The following MYEF2 variants were observed in gnomAD, a reference collection of about 807,000 sequenced individuals.
The protein encoded by MYEF2 is myelin gene expression factor 2.
A neutral mutation model predicts 75.2 loss-of-function variants in MYEF2; 37 were observed. The ratio of observed to expected loss-of-function variants is 0.49; its 90% CI spans 0.38 to 0.65. The LOEUF is 0.65. Among genes scored for constraint, MYEF2 ranks in the 30% least tolerant of loss-of-function variants. The probability of loss-of-function intolerance (pLI) is 0.00; values close to 1 mark genes in which losing one functional copy is unlikely to be tolerated. For missense variants in MYEF2, 634 were observed against 771.4 expected (o/e 0.82, Z 2.11); for synonymous variants, 195 against 241.6 (o/e 0.81, Z 1.79).
chr15:48,169,657 G>A (rs1368987713), intron 1 of MYEF2, among the ~76,000 whole-genome samples: 2 of 150,672 alleles, frequency 1.3e-5, no homozygotes, highest in Non-Finnish European at 2.9e-5. Context: ...GAGTGCAGTG[G>A]TGCAATCTCG....
At chr15:48,147,056 T>C (rs770025679) in intron 16 of MYEF2, among the ~76,000 whole-genome samples, 25 of 151,956 alleles carry the variant, frequency 1.6e-4, no homozygotes, top group Non-Finnish European at 2.5e-4. Flanking sequence ...TCTTAAAATA[T>C]AATTATAATC....
intron 1 of MYEF2, among the ~76,000 whole-genome samples, chr15:48,176,211 T>C (rs1053600761): frequency 6.0e-4 from 85 of 141,838 alleles, no homozygotes; most frequent in African/African-American, 2.2e-3. Context: ...TCCTACTAGT[T>C]CACGAAGTAA....
chr15:48,143,729 G>A (rs1221360903), intron 16 of MYEF2, among the ~76,000 whole-genome samples: 3 of 152,064 alleles, frequency 2.0e-5, no homozygotes, highest in Non-Finnish European at 2.9e-5. Flanking sequence ...TGATGTCAAG[G>A]AGAATATCAG....
In MYEF2 at chr15:48,136,827, G is replaced by A; in HGVS notation, c.*6081C>T. On this transcript the variant is annotated 3_prime_UTR_variant, in exon 17 of 17. Coordinates refer to ENST00000324324, the MANE Select transcript of MYEF2 (RefSeq NM_016132.5). ...AAGCTATGGAGAGAAGTGAACAACA[G>A]CCACTGATGGGCTGGGAAGATGAAG... 2.5e-6 allele frequency: 4 copies of A among 1,613,802 alleles called. No individual in the cohort carries two copies. The highest frequency in any genetic ancestry group is 3.4e-6 in the Non-Finnish European group (4 of 1,179,816).
At chr15:48,168,872 C>T (rs200801760) in intron 1 of MYEF2, 33 bp from the exon 2 acceptor site, 38 of 1,504,566 alleles carry the variant, frequency 2.5e-5, no homozygotes, top group Non-Finnish European at 3.1e-5. Context: ...CAAACAAAAA[C>T]CCTCAGTTGT....
At position 48,158,773 on chromosome 15, in the gene MYEF2, T is replaced by C; in HGVS notation, c.867A>G (p.Ala289=). The C allele has an allele frequency of 3.1e-6, 5 of 1,613,458 alleles. No individual in the cohort carries two copies. Among genetic ancestry groups the C allele is most frequent in the Non-Finnish European group, 4.2e-6 (5 of 1,179,590 alleles). The change falls in exon 7 of 17, where the codon GCA becomes GCG. Residue 289 remains alanine, a synonymous_variant. Coordinates refer to ENST00000324324, the MANE Select transcript of MYEF2 (RefSeq NM_016132.5). The part of the protein sequence containing the change: ...TFEQAIEAVQ[A]ISMFNGQFLF... ...CTGAAATGTAAATCAGGATACAAATTGCTTGAACTGCTTCAATTGCTTGCT... is the reference window on the plus strand; with the variant it reads ...CTGAAATGTAAATCAGGATACAAATCGCTTGAACTGCTTCAATTGCTTGCT...
rs891062207 is a variant in MYEF2, at chr15:48,140,396, A to C, written c.*2512T>G. ...TAAGAAAAAAAAAGAGAAAGAAAAA[A>C]AAGACGCTAAACCAAGTTTTCAATT... On this transcript the variant is annotated 3_prime_UTR_variant, in exon 17 of 17. Coordinates refer to ENST00000324324, the MANE Select transcript of MYEF2 (RefSeq NM_016132.5). 1 of 152,162 alleles carries C rather than the reference A, an allele frequency of 6.6e-6. No individual in the cohort carries two copies. Among genetic ancestry groups the C allele is most frequent in the African/African-American group, 2.4e-5 (1 of 41,438 alleles). 9.4% of individuals were successfully genotyped at this position (152,162 alleles called of 1,614,324 possible).
In MYEF2 at chr15:48,138,817, C is replaced by T. The variant is rs1215725567; in HGVS notation, c.*4091G>A. On this transcript the variant is annotated 3_prime_UTR_variant, in exon 17 of 17. Coordinates refer to ENST00000324324, the MANE Select transcript of MYEF2 (RefSeq NM_016132.5). ...AAAGTTTCAATTAGTTTCTTTTCAC[C>T]AGCAATATCAGTAATGAGGTACTCA... is the stretch of plus-strand genomic sequence containing the variant. The T allele has an allele frequency of 1.0e-5, 6 of 598,136 alleles. No individual in the cohort carries two copies. Among genetic ancestry groups the T allele is most frequent in the Non-Finnish European group, 1.8e-5 (6 of 335,196 alleles). The allele number at this position is 598,136 out of a possible 1,614,324, so 37.1% of individuals were successfully genotyped here. A position where few individuals can be genotyped will look rare whatever the true frequency, so the allele number is the denominator to read the frequency against.
At chr15:48,159,204 A>G (rs1485772604) in intron 6 of MYEF2, among the ~76,000 whole-genome samples, 2 of 152,116 alleles carry the variant, frequency 1.3e-5, no homozygotes, top group Non-Finnish European at 2.9e-5. Flanking sequence ...TTTTACCAAG[A>G]GAAATCCAGA....
rs776460023 is a variant in MYEF2, at chr15:48,141,926, G to A, written c.*982C>T. The A allele has an allele frequency of 1.8e-5, 16 of 886,518 alleles. No individual in the cohort carries two copies. Among genetic ancestry groups the A allele is most frequent in the Admixed American group, 5.3e-5 (2 of 37,472 alleles). 54.9% of individuals were successfully genotyped at this position (886,518 alleles called of 1,614,324 possible). ...TGCTCTAACAACAATTTTTCAAAAC[G>A]AATCAACAACAAAAAAGTATCCAGT... On this transcript the variant is annotated 3_prime_UTR_variant, in exon 17 of 17. Transcript: ENST00000324324.
In MYEF2 at chr15:48,155,531, A is replaced by G. The variant is rs183980507; in HGVS notation, c.986-1638T>C. ...TTAAATGATTAGCAAACTTGATTTA[A>G]TGAACACATATAGATCACTGCACTC... On this transcript the variant is annotated intron_variant, in intron 9 of 16. Coordinates refer to ENST00000324324, the MANE Select transcript of MYEF2 (RefSeq NM_016132.5). 7.9e-5 allele frequency among the ~76,000 whole-genome samples: 12 copies of G among 152,280 alleles called. 1 individual carries two copies. In the East Asian group the frequency reaches 1.7e-3, roughly 22 times the overall value.
intron 10 of MYEF2, 63 bp from the exon 11 acceptor site, chr15:48,152,347 T>C (rs1597307441): frequency 2.8e-5 from 39 of 1,376,274 alleles, no homozygotes; most frequent in Non-Finnish European, 3.6e-5. Flanking sequence ...AAAGATGATA[T>C]AATGCATTAT....
rs534769702 is a variant in MYEF2 at position 48,146,876 on chromosome 15, T to C, written c.1639+2156A>G. ...CATACTAGCTAGATAATTTGTATAG[T>C]TGTCAATAGCTGGACACTTAATTCT... On this transcript the variant is annotated intron_variant, in intron 16 of 16. Coordinates refer to ENST00000324324, the MANE Select transcript of MYEF2 (RefSeq NM_016132.5). 1.0e-3 allele frequency among the ~76,000 whole-genome samples: 157 copies of C among 152,150 alleles called. 2 individuals are homozygous for C. The highest frequency in any genetic ancestry group is 3.5e-3 in the African/African-American group (145 of 41,552).
rs1486067514 is a variant in MYEF2 at position 48,140,891 on chromosome 15, CT to C, written c.*2016del. On this transcript the variant is annotated 3_prime_UTR_variant, in exon 17 of 17. Transcript: ENST00000324324. ...TGGCAGAATTTTAGCTGTTACGTAT[CT>C]TTAGATATGTCATTAAAAATCTGTG... 2 of 414,576 alleles carry C rather than the reference CT, an allele frequency of 4.8e-6. No individual in the cohort carries two copies. The highest frequency in any genetic ancestry group is 8.9e-6 in the Non-Finnish European group (2 of 225,004). 25.7% of individuals were successfully genotyped at this position (414,576 alleles called of 1,614,324 possible).
At position 48,134,909 on chromosome 15, in the gene MYEF2, T is replaced by C. The variant is rs2038859042; in HGVS notation, c.*7999A>G. On this transcript the variant is annotated 3_prime_UTR_variant, in exon 17 of 17. Transcript: ENST00000324324. The stretch of plus-strand genomic sequence containing the variant: ...GTCTCAACACTATCATGTTGGCCCC[T>C]ATTCAGAGACTGTGCAGCGTACACA... 6.2e-7 allele frequency: 1 copy of C among 1,611,938 alleles called. No homozygotes were observed. Among genetic ancestry groups the C allele is most frequent in the Non-Finnish European group, 8.5e-7 (1 of 1,178,742 alleles).
intron 1 of MYEF2, 39 bp downstream of exon 1, chr15:48,178,038 C>A: frequency 6.4e-7 from 1 of 1,566,978 alleles, no homozygotes; most frequent in Non-Finnish European, 8.6e-7. Context: ...GACTCCCCGC[C>A]CCCCACCTCG....
chr15:48,142,085 T>G lies in MYEF2; in HGVS notation c.*823A>C. On this transcript the variant is annotated 3_prime_UTR_variant, in exon 17 of 17. Transcript: ENST00000324324. ...GGGATCCAATGTGTTTGATATGTTG[T>G]GCCTTGGTATTCCATGGTTTATTAA... The G allele has an allele frequency of 6.2e-7, 1 of 1,613,928 alleles. No individual in the cohort carries two copies. Among genetic ancestry groups the G allele is most frequent in the Non-Finnish European group, 8.5e-7 (1 of 1,179,900 alleles).
At position 48,149,279 on chromosome 15, in the gene MYEF2, T is replaced by C. The variant is rs760562987; in HGVS notation, c.1471A>G (p.Ile491Val). The change falls in exon 15 of 17, where the codon ATA becomes GTA. Residue 491 changes from isoleucine (I) to valine (V), a missense_variant. Physicochemically the swap from Ile to Val is conservative, Grantham distance 29 (BLOSUM62 3). Transcript: ENST00000324324. The surrounding 1 kb of genome is among the most constrained non-coding windows in gnomAD (Gnocchi z 4.0). ...ATGCTCCTTTCCAGTATAGCTCCTATACCTGGTCCCATTCTATCAAAGCTG... is the reference window on the plus strand; with the variant it reads ...ATGCTCCTTTCCAGTATAGCTCCTACACCTGGTCCCATTCTATCAAAGCTG... The part of the protein sequence containing the change: ...SSSFDRMGPG[I>V]GAILERSIDM... 2 of 1,613,248 alleles carry C rather than the reference T, an allele frequency of 1.2e-6. No individual in the cohort carries two copies. The highest frequency in any genetic ancestry group is 1.1e-5 in the South Asian group (1 of 91,072).
intron 9 of MYEF2, chr15:48,157,692 G>A (rs2039755217): frequency 1.0e-6 from 1 of 988,186 alleles, no homozygotes; most frequent in East Asian, 6.2e-5. Context: ...TTATAATGAG[G>A]TTACCCACAG....
Sources: gnomAD v4.1 joint callset for allele counts (sites outside exome capture counted in the v4.1 genomes callset) on GRCh38, gnomAD v4.1.1 for gene constraint, Gnocchi (gnomAD v3.1) non-coding constraint, MANE v1.5 for transcripts, NCBI Gene and HGNC (gene_info 2026-07-23, HGNC 2026-07-21) for gene names.